Variants in ANKRD44 observed in about 807,000 individuals in gnomAD.
The protein encoded by ANKRD44 is ankyrin repeat domain 44.
A neutral mutation model predicts 116.0 loss-of-function variants in ANKRD44; 35 were observed. The observed-to-expected ratio is 0.30, with a 90% CI of 0.23 to 0.40. The LOEUF (loss-of-function observed/expected upper bound fraction) is 0.40. ANKRD44 is among the 10% of genes least tolerant of loss of function. ANKRD44 has a pLI of 1.00. For synonymous variants in ANKRD44, 435 were observed against 461.8 expected (o/e 0.94, Z 0.74); for missense variants, 1,014 against 1,242.6 (o/e 0.82, Z 2.77).
At chr2:196,995,998 T>G (rs981053045) in intron 25 of ANKRD44, among the ~76,000 whole-genome samples, 3 of 152,258 alleles carry the variant, frequency 2.0e-5, no homozygotes, top group African/African-American at 7.2e-5. Flanking sequence ...CAGTGGAAGA[T>G]ATCTCTGTAC....
At chr2:197,167,399 C>T (rs1262822873) in intron 2 of ANKRD44, among the ~76,000 whole-genome samples, 2 of 152,140 alleles carry the variant, frequency 1.3e-5, no homozygotes, top group Non-Finnish European at 2.9e-5. Context: ...ATCTGGCACA[C>T]TTCCTAAGAT....
At chr2:196,991,020 C>A (rs2075905746) in intron 27 of ANKRD44, 1 of 1,085,084 alleles carries the variant, frequency 9.2e-7, no homozygotes, top group Non-Finnish European at 1.2e-6. Flanking sequence ...ATCTCACAGG[C>A]GGAGATGTAT....
intron 15 of ANKRD44, among the ~76,000 whole-genome samples, chr2:197,079,930 A>C (rs2077755804): frequency 6.6e-6 from 1 of 152,236 alleles, no homozygotes; most frequent in Non-Finnish European, 1.5e-5. Context: ...TTTTAAAAAA[A>C]CCAAATACCC....
Position 197,042,959 on chromosome 2 carries a change from G to A in ANKRD44, c.1651-17692C>T, listed in dbSNP as rs1054314339. Among the ~76,000 whole-genome samples, 3 of 152,338 alleles carry A rather than the reference G, an allele frequency of 2.0e-5. No homozygotes were observed. In the East Asian group the frequency reaches 5.8e-4, roughly 29 times the overall value. The stretch of plus-strand genomic sequence containing the variant: ...TCACTCCCTGGATTCAGAGGCTTTT[G>A]CACCAATGTGGGTGTGTCTATGGCT... On this transcript the variant is annotated intron_variant, in intron 16 of 27. Coordinates refer to ENST00000282272, the MANE Select transcript of ANKRD44 (RefSeq NM_001195144.2).
chr2:197,250,481 C>T (rs576258180), intron 1 of ANKRD44, among the ~76,000 whole-genome samples: 17 of 152,220 alleles, frequency 1.1e-4, no homozygotes, highest in Non-Finnish European at 2.1e-4. Context: ...TCATTCATCC[C>T]GAGGCTGGCC....
At chr2:197,148,750 C>T (rs1213287416) in intron 2 of ANKRD44, among the ~76,000 whole-genome samples, 1 of 151,998 alleles carries the variant, frequency 6.6e-6, no homozygotes. Flanking sequence ...ATTAAGTAGA[C>T]AAAAAGGAGT....
rs34720427 is a variant in ANKRD44, at chr2:197,147,428, T to TAAA, written c.112-326_112-324dup. On this transcript the variant is annotated intron_variant, in intron 2 of 27. Transcript: ENST00000282272. ...AGTATTTCCAAACCTTCAGGATGGT[T>TAAA]AAAAAAAAAAAAAAAAAATCTAACC... 5.5e-3 allele frequency among the ~76,000 whole-genome samples: 781 copies of TAAA among 142,910 alleles called. 5 individuals carry two copies. Among genetic ancestry groups the TAAA allele is most frequent in the African/African-American group, 0.02 (752 of 38,350 alleles). The allele number at this position is 142,910 out of a possible 152,430, so 93.8% of individuals were successfully genotyped here. A position where few individuals can be genotyped will look rare whatever the true frequency, so the allele number is the denominator to read the frequency against.
chr2:197,241,443 A>G (rs1044494501), intron 1 of ANKRD44, among the ~76,000 whole-genome samples: 1 of 152,212 alleles, frequency 6.6e-6, no homozygotes, highest in African/African-American at 2.4e-5. Flanking sequence ...AACATCTTAT[A>G]TTAGGCAAGC....
At chr2:197,310,429 C>T (rs2084217385) in intron 1 of ANKRD44, 149 bp downstream of exon 1, 1 of 399,122 alleles carries the variant, frequency 2.5e-6, no homozygotes, top group Admixed American at 6.6e-5. Context: ...GCCGCGGGCT[C>T]TCGGAGGCAC....
At chr2:196,968,783 T>C (rs1209354324) in intron 21 of ANKRD44, among the ~76,000 whole-genome samples, 1 of 152,214 alleles carries the variant, frequency 6.6e-6, no homozygotes, top group Non-Finnish European at 1.5e-5. Context: ...ATAGCTATCA[T>C]CTTAACTATT....
chr2:197,226,292 T>A (rs1192415547), intron 1 of ANKRD44, among the ~76,000 whole-genome samples: 1 of 152,202 alleles, frequency 6.6e-6, no homozygotes, highest in Non-Finnish European at 1.5e-5. Context: ...CCAGGGTGTA[T>A]CCACACCAAT....
At chr2:197,215,047 T>C (rs2081414708) in intron 1 of ANKRD44, among the ~76,000 whole-genome samples, 1 of 152,088 alleles carries the variant, frequency 6.6e-6, no homozygotes, top group Non-Finnish European at 1.5e-5. Flanking sequence ...GGCTAGTATT[T>C]GTATTTTTAG....
intron 1 of ANKRD44, among the ~76,000 whole-genome samples, chr2:197,230,089 T>C (rs976827383): frequency 1.3e-5 from 2 of 151,996 alleles, no homozygotes; most frequent in African/African-American, 2.4e-5. Flanking sequence ...AGGTGTGCAA[T>C]GCAGCCAACA....
intron 10 of ANKRD44, 145 bp downstream of exon 10, chr2:197,099,671 T>G: frequency 7.6e-7 from 1 of 1,321,694 alleles, no homozygotes; most frequent in South Asian, 2.5e-5. Flanking sequence ...GCACTTAATT[T>G]ATTTAAAATT....
intron 9 of ANKRD44, among the ~76,000 whole-genome samples, chr2:197,100,201 C>A (rs981839203): frequency 6.6e-5 from 10 of 152,192 alleles, no homozygotes; most frequent in Middle Eastern, 3.2e-3. Context: ...CTTTGGGAGG[C>A]TGAGGCGGGC....
Position 197,095,974 on chromosome 2 carries a change from C to A in ANKRD44, c.1100+3842G>T, listed in dbSNP as rs2125205309. ...CATCTAGTTTATGTTTATACATATT[C>A]ATGTATCATTATGATAAAAATAAGT... On this transcript the variant is annotated intron_variant, in intron 10 of 27. Coordinates refer to ENST00000282272, the MANE Select transcript of ANKRD44 (RefSeq NM_001195144.2). Among the ~76,000 whole-genome samples the A allele has an allele frequency of 1.3e-5, 2 of 152,258 alleles. 1 individual carries two copies. Among genetic ancestry groups the A allele is most frequent in the South Asian group, 4.1e-4 (2 of 4,828 alleles).
intron 2 of ANKRD44, among the ~76,000 whole-genome samples, chr2:197,186,600 C>T (rs971161590): frequency 7.1e-5 from 8 of 112,476 alleles, no homozygotes; most frequent in East Asian, 2.4e-4. Flanking sequence ...TCACTATGCC[C>T]GGCTAATTTT....
chr2:197,263,992 C>T (rs1389636948), intron 1 of ANKRD44, among the ~76,000 whole-genome samples: 3 of 152,172 alleles, frequency 2.0e-5, no homozygotes, highest in African/African-American at 7.2e-5. Context: ...CAGTGGTATG[C>T]ATCTGTAGTC....
chr2:197,248,301 T>C (rs2082236500), intron 1 of ANKRD44, among the ~76,000 whole-genome samples: 1 of 151,894 alleles, frequency 6.6e-6, no homozygotes, highest in Admixed American at 6.6e-5. Context: ...AAAAAAAGAC[T>C]GGCCATCCCA....
Sources: allele counts gnomAD v4.1 joint callset (sites outside exome capture counted in the v4.1 genomes callset), GRCh38; gene constraint gnomAD v4.1.1; transcripts MANE v1.5; gene names NCBI Gene and HGNC (gene_info 2026-07-23, HGNC 2026-07-21).